The following RGL1 variants were observed in gnomAD, a reference collection of about 807,000 sequenced individuals.
The protein encoded by RGL1 is ral guanine nucleotide dissociation stimulator like 1.
A neutral mutation model predicts 95.2 loss-of-function variants in RGL1; 24 were observed. The observed-to-expected ratio is 0.25, with a 90% confidence interval of 0.18 to 0.35. The LOEUF is 0.35. RGL1 is among the 10% of genes least tolerant of loss of function. The pLI is 1.00. For missense variants in RGL1, 715 were observed against 936.3 expected, an observed-to-expected ratio of 0.76 and a Z score of 3.08; for synonymous variants, 329 against 344.9, an observed-to-expected ratio of 0.95 and a Z score of 0.51.
At chr1:183,881,486 A>G (rs1389203529) in intron 5 of RGL1, among the ~76,000 whole-genome samples, 1 of 152,208 alleles carries the variant, frequency 6.6e-6, no homozygotes, top group Non-Finnish European at 1.5e-5. Context: ...TGGAACTATT[A>G]GGCTTTGAAG....
At chr1:183,821,214 T>C (rs1167026855) in intron 2 of RGL1, among the ~76,000 whole-genome samples, 1 of 152,216 alleles carries the variant, frequency 6.6e-6, no homozygotes, top group African/African-American at 2.4e-5. Flanking sequence ...AATTTTAAAT[T>C]GCCTATGGCT....
intron 1 of RGL1, among the ~76,000 whole-genome samples, chr1:183,697,762 T>C (rs902845277): frequency 2.0e-5 from 3 of 152,228 alleles, no homozygotes; most frequent in Non-Finnish European, 2.9e-5. Flanking sequence ...GTAGGTATCA[T>C]GCATTTCAAC....
At position 183,874,749 on chromosome 1, in the gene RGL1, C is replaced by A. The variant is rs112603247; in HGVS notation, c.426-5867C>A. Among the ~76,000 whole-genome samples the A allele has an allele frequency of 4.3e-3, 658 of 152,282 alleles. 3 individuals are homozygous for A. The highest frequency in any genetic ancestry group is 7.4e-3 in the Non-Finnish European group (505 of 68,010). On this transcript the variant is annotated intron_variant, in intron 4 of 17. Coordinates refer to ENST00000360851, the MANE Select transcript of RGL1 (RefSeq NM_001297671.3). ...CAAGTCCAGATAATAATATTTTCATCCTTTCCAGGAAAAAAACAAAGAGGA... is the reference window on the plus strand; with the variant it reads ...CAAGTCCAGATAATAATATTTTCATACTTTCCAGGAAAAAAACAAAGAGGA...
At chr1:183,679,819 TAC>T (rs1250174121) in intron 1 of RGL1, among the ~76,000 whole-genome samples, 1 of 152,212 alleles carries the variant, frequency 6.6e-6, no homozygotes, top group East Asian at 1.9e-4. Context: ...TGAACTAATT[TAC>T]ACTCTCACTA....
At chr1:183,636,341 G>T in exon 1 of RGL1, 1 of 395,490 alleles carries the variant, frequency 2.5e-6, no homozygotes, top group Non-Finnish European at 4.5e-6. Context: ...CAGACTGTGC[G>T]CTGCTAGAGG....
intron 2 of RGL1, among the ~76,000 whole-genome samples, chr1:183,814,629 C>T (rs188695017): frequency 3.0e-4 from 45 of 152,016 alleles, no homozygotes; most frequent in African/African-American, 1.0e-3. Context: ...GTTTTAAATA[C>T]TCATTTTCAT....
Position 183,927,314 on chromosome 1 carries a change from T to C in RGL1, c.*1022T>C, listed in dbSNP as rs567734211. The C allele has an allele frequency of 1.4e-3, 221 of 152,686 alleles. No individual in the cohort carries two copies. Among genetic ancestry groups the C allele is most frequent in the African/African-American group, 5.0e-3 (207 of 41,560 alleles). 9.5% of individuals were successfully genotyped at this position (152,686 alleles called of 1,614,324 possible). On this transcript the variant is annotated 3_prime_UTR_variant, in exon 18 of 18. Transcript: ENST00000360851. ...TATTATGTGCAATTTATTCCTCAGG[T>C]GTGGAAATTTCTACTGCAATTGACT... is the stretch of plus-strand genomic sequence containing the variant.
intron 2 of RGL1, among the ~76,000 whole-genome samples, chr1:183,766,046 C>T (rs940266498): frequency 1.3e-5 from 2 of 151,046 alleles, no homozygotes; most frequent in East Asian, 1.9e-4. Context: ...CAAACCTGCA[C>T]GTTGTGCATA....
rs1023741566 is a variant in RGL1, at chr1:183,928,101, G to A, written c.*1809G>A. 7 of 151,876 alleles carry A rather than the reference G, an allele frequency of 4.6e-5. No individual in the cohort carries two copies. The highest frequency in any genetic ancestry group is 1.5e-4 in the African/African-American group (6 of 41,154). 9.4% of individuals were successfully genotyped at this position (151,876 alleles called of 1,614,324 possible). A position where few individuals can be genotyped will look rare whatever the true frequency, so the allele number is the denominator to read the frequency against. ...TGTGCTTGTAGGAGAGATGGCCAGG[G>A]TGGCAGCCCTCATGCAGGTTGAAGT... On this transcript the variant is annotated 3_prime_UTR_variant, in exon 18 of 18. Coordinates refer to ENST00000360851, the MANE Select transcript of RGL1 (RefSeq NM_001297671.3).
intron 2 of RGL1, among the ~76,000 whole-genome samples, chr1:183,843,764 A>G (rs17502872): frequency 0.13 from 20,256 of 152,156 alleles, 1,763 homozygotes; most frequent in Middle Eastern, 0.23. Flanking sequence ...ATCCCTAACC[A>G]CTGAGAAGCC....
At chr1:183,861,998 C>G (rs1665538325) in intron 3 of RGL1, among the ~76,000 whole-genome samples, 1 of 152,166 alleles carries the variant, frequency 6.6e-6, no homozygotes, top group African/African-American at 2.4e-5. Flanking sequence ...GATTCCAACA[C>G]TAGTCTAGTT....
chr1:183,768,804 A>C lies in RGL1; in HGVS notation c.132+26515A>C, dbSNP rs193026474. Among the ~76,000 whole-genome samples, 3 of 152,244 alleles carry C rather than the reference A, an allele frequency of 2.0e-5. No individual in the cohort carries two copies. In the East Asian group the frequency reaches 5.8e-4, roughly 29 times the overall value. ...AACAAAATTATTCTTTTTCTCAGCA[A>C]TTTTATATACGGAATTACATATTAC... On this transcript the variant is annotated intron_variant, in intron 2 of 18. Coordinates refer to the RGL1 transcript ENST00000304685.
At chr1:183,722,968 A>C (rs1383477650) in intron 1 of RGL1, among the ~76,000 whole-genome samples, 1 of 152,232 alleles carries the variant, frequency 6.6e-6, no homozygotes, top group African/African-American at 2.4e-5. Context: ...TGCTTAAAAC[A>C]ACAAACAGCA....
At chr1:183,814,269 C>G (rs1661928164) in intron 2 of RGL1, among the ~76,000 whole-genome samples, 2 of 152,120 alleles carry the variant, frequency 1.3e-5, no homozygotes, top group Non-Finnish European at 2.9e-5. Flanking sequence ...ATACCTGTGT[C>G]TTTCCACTGA....
At chr1:183,821,543 A>G (rs566689433) in intron 2 of RGL1, among the ~76,000 whole-genome samples, 3 of 152,300 alleles carry the variant, frequency 2.0e-5, no homozygotes, top group African/African-American at 7.2e-5. Flanking sequence ...CTGCTCTGTA[A>G]GAGGGCAGGT....
At chr1:183,710,777 C>T (rs12746073) in intron 1 of RGL1, among the ~76,000 whole-genome samples, 78,180 of 151,990 alleles carry the variant, frequency 0.51, 20,797 homozygotes, top group East Asian at 0.88. Flanking sequence ...ACTGCCCCCA[C>T]GATCCAGTCA....
intron 4 of RGL1, among the ~76,000 whole-genome samples, chr1:183,868,384 A>G (rs1305989465): frequency 2.6e-5 from 4 of 152,316 alleles, no homozygotes; most frequent in Non-Finnish European, 4.4e-5. Flanking sequence ...AAACAATATA[A>G]TCTAAAAGGT....
At chr1:183,774,877 A>G (rs796905234) in intron 2 of RGL1, among the ~76,000 whole-genome samples, 5 of 152,166 alleles carry the variant, frequency 3.3e-5, no homozygotes, top group African/African-American at 1.2e-4. Context: ...CCTGGCCTAC[A>G]TTTGTTATTT....
chr1:183,919,425 A>G (rs1305171454), intron 16 of RGL1, among the ~76,000 whole-genome samples: 4 of 152,196 alleles, frequency 2.6e-5, no homozygotes, highest in Admixed American at 2.0e-4. Flanking sequence ...TGCAATACCT[A>G]TGCAAATGTC....
Sources: allele counts gnomAD v4.1 joint callset (sites outside exome capture counted in the v4.1 genomes callset), GRCh38; gene constraint gnomAD v4.1.1; transcripts MANE v1.5; gene names NCBI Gene and HGNC (gene_info 2026-07-23, HGNC 2026-07-21).